The following FRMPD1 variants were observed in gnomAD, a reference collection of about 807,000 sequenced individuals.
The protein encoded by FRMPD1 is FERM and PDZ domain-containing protein 1.
FRMPD1 carries 76 observed loss-of-function variants against 117.8 expected under a neutral mutation model. The ratio of observed to expected loss-of-function variants is 0.65; its 90% CI spans 0.54 to 0.78. The LOEUF (loss-of-function observed/expected upper bound fraction) is 0.78, where lower values mean the gene tolerates loss of function less well. FRMPD1 is among the 30% of genes least tolerant of loss of function. The pLI is 0.00. For synonymous variants in FRMPD1, 783 were observed against 770.4 expected (o/e 1.02, Z -0.27); for missense variants, 1,786 against 1,964.5 (o/e 0.91, Z 1.72).
upstream of FRMPD1, among the ~76,000 whole-genome samples, chr9:37,649,532 T>C (rs928559104): frequency 6.6e-6 from 1 of 152,198 alleles, no homozygotes; most frequent in African/African-American, 2.4e-5. Flanking sequence ...CTTTCAGCGA[T>C]GGAGCCACTC....
At chr9:37,656,493 T>C (rs1004198912) in intron 1 of FRMPD1, among the ~76,000 whole-genome samples, 4 of 152,214 alleles carry the variant, frequency 2.6e-5, no homozygotes, top group African/African-American at 7.2e-5. Flanking sequence ...ATAGAAAGCT[T>C]TCAAACACCA....
the FRMPD1 span, among the ~76,000 whole-genome samples, chr9:37,607,558 A>G: frequency 6.6e-6 from 1 of 152,206 alleles, no homozygotes; most frequent in Non-Finnish European, 1.5e-5. Context: ...TTCATCAAAC[A>G]AGGTCTGTGA....
upstream of FRMPD1, among the ~76,000 whole-genome samples, chr9:37,649,919 CCA>C (rs1443759096): frequency 6.6e-6 from 1 of 152,168 alleles, no homozygotes; most frequent in Non-Finnish European, 1.5e-5. Flanking sequence ...AAGGCTCTCT[CCA>C]CACTCCTCCC....
intron 1 of FRMPD1, among the ~76,000 whole-genome samples, chr9:37,660,345 C>T (rs561470100): frequency 4.8e-4 from 73 of 152,192 alleles, no homozygotes; most frequent in Non-Finnish European, 7.6e-4. Context: ...GCATTTGAAC[C>T]GAGCCCTAGT....
intron 2 of FRMPD1, among the ~76,000 whole-genome samples, chr9:37,696,533 A>C (rs7037881): frequency 0.67 from 102,560 of 152,022 alleles, 35,129 homozygotes; most frequent in East Asian, 0.94. Context: ...TTTAAAATGC[A>C]CATCCCTCCT....
At chr9:37,684,242 T>C (rs1313767842) in intron 1 of FRMPD1, among the ~76,000 whole-genome samples, 1 of 152,206 alleles carries the variant, frequency 6.6e-6, no homozygotes, top group Non-Finnish European at 1.5e-5. Context: ...CTAATCTGAT[T>C]TTTAATTCCA....
chr9:37,731,795 C>T (rs1401565367), intron 9 of FRMPD1, among the ~76,000 whole-genome samples: 1 of 151,922 alleles, frequency 6.6e-6, no homozygotes, highest in Non-Finnish European at 1.5e-5. Context: ...ATCACTTGAA[C>T]CTTGGAGGTG....
At chr9:37,731,208 G>A (rs1823865357) in intron 9 of FRMPD1, 105 bp downstream of exon 9, 1 of 979,538 alleles carries the variant, frequency 1.0e-6, no homozygotes, top group Non-Finnish European at 1.6e-6. Flanking sequence ...TCCCTGGTAG[G>A]GATTCTCTTT....
chr9:37,604,502 C>T, the FRMPD1 span, among the ~76,000 whole-genome samples: 1 of 152,204 alleles, frequency 6.6e-6, no homozygotes, highest in Admixed American at 6.5e-5. Context: ...TATGTAGTCA[C>T]AAGGTATGCT....
At chr9:37,666,061 T>C (rs1214425356) in intron 1 of FRMPD1, among the ~76,000 whole-genome samples, 1 of 152,194 alleles carries the variant, frequency 6.6e-6, no homozygotes, top group Non-Finnish European at 1.5e-5. Context: ...TCATCGTTAA[T>C]TTTCACAGTG....
rs191794925 is a variant in FRMPD1 at position 37,684,545 on chromosome 9, A to G, written c.-4-8093A>G. The stretch of plus-strand genomic sequence containing the variant: ...GAATTACGTTTTATATCACTCTGGC[A>G]GTCACATGGAGGACAGATTGATGAA... On this transcript the variant is annotated intron_variant, in intron 1 of 15. Transcript: ENST00000377765. Among the ~76,000 whole-genome samples the G allele has an allele frequency of 2.8e-3, 425 of 152,330 alleles. 2 individuals are homozygous for G. Among genetic ancestry groups the G allele is most frequent in the African/African-American group, 9.7e-3 (405 of 41,578 alleles).
intron 2 of FRMPD1, among the ~76,000 whole-genome samples, chr9:37,702,824 T>A (rs1051597436): frequency 1.3e-5 from 2 of 152,224 alleles, no homozygotes; most frequent in African/African-American, 4.8e-5. Context: ...AGATTGTGTT[T>A]CTTTGTATGT....
At chr9:37,724,455 G>C (rs552949753) in intron 7 of FRMPD1, 135 bp downstream of exon 7, 122 of 557,946 alleles carry the variant, frequency 2.2e-4, no homozygotes, top group Non-Finnish European at 3.6e-4. Flanking sequence ...TAATAAGCCA[G>C]GTGCCATGTT....
the FRMPD1 span, among the ~76,000 whole-genome samples, chr9:37,631,763 C>T: frequency 6.6e-6 from 1 of 152,062 alleles, no homozygotes; most frequent in Non-Finnish European, 1.5e-5. Context: ...GCCACCACAC[C>T]CAACTAATAT....
intron 1 of FRMPD1, among the ~76,000 whole-genome samples, chr9:37,659,010 C>T (rs773790421): frequency 3.9e-5 from 6 of 152,010 alleles, no homozygotes; most frequent in African/African-American, 7.3e-5. Context: ...GGACTATAGG[C>T]GCACACCAAC....
intron 14 of FRMPD1, among the ~76,000 whole-genome samples, chr9:37,739,685 A>G (rs971384991): frequency 6.6e-6 from 1 of 152,208 alleles, no homozygotes; most frequent in Non-Finnish European, 1.5e-5. Context: ...TTTTTAAAAT[A>G]TGATTCCCCA....
At chr9:37,628,927 G>A in the FRMPD1 span, among the ~76,000 whole-genome samples, 6 of 152,192 alleles carry the variant, frequency 3.9e-5, no homozygotes, top group African/African-American at 9.6e-5. Context: ...GGCCGGGCGC[G>A]GTGGCTCACG....
the FRMPD1 span, among the ~76,000 whole-genome samples, chr9:37,617,857 A>G: frequency 6.6e-6 from 1 of 152,194 alleles, no homozygotes; most frequent in Non-Finnish European, 1.5e-5. Flanking sequence ...CTCTGAGTTC[A>G]CTGGACAGCT....
intron 5 of FRMPD1, among the ~76,000 whole-genome samples, chr9:37,714,768 C>T (rs1164957255): frequency 1.3e-5 from 2 of 151,750 alleles, no homozygotes; most frequent in African/African-American, 4.8e-5. Flanking sequence ...CACCTCAGTC[C>T]CCTGAGTAAC....
Sources: gnomAD v4.1 joint callset for allele counts (sites outside exome capture counted in the v4.1 genomes callset) on GRCh38, gnomAD v4.1.1 for gene constraint, MANE v1.5 for transcripts, NCBI Gene and HGNC (gene_info 2026-07-23, HGNC 2026-07-21) for gene names.